ITGAM: variants seen among roughly 807,000 people sequenced by gnomAD.
ITGAM encodes integrin alpha-M.
A neutral mutation model predicts 137.5 loss-of-function variants in ITGAM; 79 were observed. The ratio of observed to expected loss-of-function variants is 0.57; its 90% CI spans 0.48 to 0.69. ITGAM has a LOEUF of 0.69. Among genes scored for constraint, ITGAM ranks in the 30% least tolerant of loss-of-function variants. The pLI is 0.00. For missense variants in ITGAM, 1,343 were observed against 1,483.5 expected (o/e 0.91, Z 1.56); for synonymous variants, 583 against 592.3 (o/e 0.98, Z 0.23).
chr16:31,279,001 G>T (rs1456376728), intron 12 of ITGAM, among the ~76,000 whole-genome samples: 1 of 152,002 alleles, frequency 6.6e-6, no homozygotes, highest in East Asian at 1.9e-4. Context: ...GGTTTTCTGT[G>T]CTTGCAACAG....
chr16:31,272,894 C>G (rs1379928666), intron 7 of ITGAM, among the ~76,000 whole-genome samples: 1 of 152,008 alleles, frequency 6.6e-6, no homozygotes, highest in Non-Finnish European at 1.5e-5. Context: ...TTTTCCAGGT[C>G]TCGGGGCAGT....
At chr16:31,282,545 G>T (rs769605922) in intron 12 of ITGAM, among the ~76,000 whole-genome samples, 78 of 152,188 alleles carry the variant, frequency 5.1e-4, no homozygotes, top group Non-Finnish European at 9.3e-4. Context: ...TGCAACCCCT[G>T]GTTTTTTCTG....
Position 31,297,546 on chromosome 16 carries a change from C to A in ITGAM, c.1389C>A (p.Ser463=). The change falls in exon 13 of 30, where the codon TCC becomes TCA. Residue 463 remains serine, a synonymous_variant. Transcript: ENST00000544665. The stretch of plus-strand genomic sequence containing the variant: ...CCTACTTCGGGGCCTCCCTCTGCTC[C>A]GTGGACGTGGACAGCAACGGCAGCA... ...IGAYFGASLC[S]VDVDSNGSTD... The A allele has an allele frequency of 1.2e-6, 2 of 1,612,078 alleles. No individual in the cohort carries two copies. Among genetic ancestry groups the A allele is most frequent in the Non-Finnish European group, 1.7e-6 (2 of 1,179,856 alleles).
At chr16:31,269,501 C>T (rs985234416) in intron 5 of ITGAM, among the ~76,000 whole-genome samples, 34 of 152,218 alleles carry the variant, frequency 2.2e-4, no homozygotes, top group African/African-American at 6.7e-4. Context: ...GGAATGAACA[C>T]GGACAGCTTG....
At chr16:31,317,066 T>C (rs2080400444) in intron 14 of ITGAM, among the ~76,000 whole-genome samples, 1 of 152,182 alleles carries the variant, frequency 6.6e-6, no homozygotes, top group Admixed American at 6.5e-5. Context: ...TTTTTCTTTA[T>C]TTCTAACTTG....
intron 11 of ITGAM, 56 bp downstream of exon 11, chr16:31,277,105 A>C: frequency 6.7e-7 from 1 of 1,495,478 alleles, no homozygotes; most frequent in Non-Finnish European, 9.1e-7. Context: ...GGCATAAGTC[A>C]ACTAGCATAG....
chr16:31,265,294 G>A lies in ITGAM; in HGVS notation c.135-101G>A, dbSNP rs865981813. ...CCTAGTCATAGGAATTTAGGAATCC[G>A]GGTATGGGCCCCCACCGTCCTCTGG... On this transcript the variant is annotated intron_variant, in intron 2 of 29. Transcript: ENST00000544665. 1.3e-5 allele frequency: 7 copies of A among 519,236 alleles called. No individual in the cohort carries two copies. The Middle Eastern group carries it at 1.4e-3, about 105-fold the overall frequency. 32.2% of individuals were successfully genotyped at this position (519,236 alleles called of 1,614,324 possible).
At chr16:31,309,306 T>C (rs1428077017) in intron 14 of ITGAM, among the ~76,000 whole-genome samples, 1 of 68,348 alleles carries the variant, frequency 1.5e-5, no homozygotes, top group Non-Finnish European at 2.8e-5. Flanking sequence ...TGTAGGTCAC[T>C]AAGGACTTGC....
At chr16:31,301,738 C>T (rs2080199399) in intron 14 of ITGAM, among the ~76,000 whole-genome samples, 2 of 152,098 alleles carry the variant, frequency 1.3e-5, no homozygotes. Flanking sequence ...TATATCACTC[C>T]TAAATTTCCC....
chr16:31,270,460 C>T (rs567201741), intron 5 of ITGAM, among the ~76,000 whole-genome samples: 8 of 151,380 alleles, frequency 5.3e-5, no homozygotes, highest in East Asian at 2.0e-4. Context: ...TCCCTGATTC[C>T]CTTGGGCAGA....
intron 14 of ITGAM, among the ~76,000 whole-genome samples, chr16:31,305,527 C>T (rs2080256111): frequency 6.6e-6 from 1 of 152,102 alleles, no homozygotes; most frequent in Non-Finnish European, 1.5e-5. Flanking sequence ...GCATTCTTGT[C>T]TTGTTCCAGT....
At chr16:31,331,014 G>A in intron 28 of ITGAM, 151 bp from the exon 29 acceptor site, 1 of 603,462 alleles carries the variant, frequency 1.7e-6, no homozygotes, top group Non-Finnish European at 3.0e-6. Flanking sequence ...GGGAGAGGAG[G>A]GAGAAGAGGT....
chr16:31,275,807 A>G, intron 9 of ITGAM, 108 bp downstream of exon 9: 1 of 1,061,382 alleles, frequency 9.4e-7, no homozygotes, highest in Non-Finnish European at 1.4e-6. Context: ...ATCCCCCAGC[A>G]TCAACTCTCT....
Position 31,324,403 on chromosome 16 carries a change from G to C in ITGAM, c.2007G>C (p.Gln669His), listed in dbSNP as rs891773648. ...TGTGCCACCCTGTCCCTTCAGGACA[G>C]ATCCAGAGTGTTGTGACTTATGACC... is the stretch of plus-strand genomic sequence containing the variant. Reference protein sequence around the residue: ...KSTRDRLREGQIQSVVTYDLA... With the variant: ...KSTRDRLREGHIQSVVTYDLA... Residue 669 changes from glutamine (Q) to histidine (H), a missense_variant, in exon 17 of 30, where the codon CAG becomes CAC. Physicochemically the swap from Gln to His is conservative, Grantham distance 24 (BLOSUM62 0). Transcript: ENST00000544665. This position sits in a 1 kb window ranked among gnomAD's most constrained non-coding sequence, Gnocchi z 4.5. 3 of 1,551,792 alleles carry C rather than the reference G, an allele frequency of 1.9e-6. No homozygotes were observed. In the African/African-American group the frequency reaches 4.1e-5, roughly 21 times the overall value.
intron 14 of ITGAM, among the ~76,000 whole-genome samples, chr16:31,308,107 C>T (rs975820762): frequency 1.1e-4 from 16 of 152,036 alleles, no homozygotes; most frequent in Non-Finnish European, 1.3e-4. Context: ...GTCTAAAATT[C>T]TCTTTTTTTG....
At chr16:31,314,885 T>C (rs1433266727) in intron 14 of ITGAM, among the ~76,000 whole-genome samples, 1 of 147,568 alleles carries the variant, frequency 6.8e-6, no homozygotes, top group East Asian at 2.0e-4. Context: ...TACAGTAGCG[T>C]GAACTGCAAC....
rs554430306 is a variant in ITGAM, at chr16:31,324,228, GGAAA to G, written c.2003-154_2003-151del. ...GGAAGGAAAGGGAGGAAGAGAGCGA[GGAAA>G]GAAAGAAAGAAAGAAAAAGGAAGGA... is the stretch of plus-strand genomic sequence containing the variant. On this transcript the variant is annotated intron_variant, in intron 16 of 29. Coordinates refer to ENST00000544665, the MANE Select transcript of ITGAM (RefSeq NM_000632.4). The surrounding 1 kb of genome is among the most constrained non-coding windows in gnomAD (Gnocchi z 4.5). Among the ~76,000 whole-genome samples, 35 of 150,932 alleles carry G rather than the reference GGAAA, an allele frequency of 2.3e-4. No individual in the cohort carries two copies. The highest frequency in any genetic ancestry group is 5.8e-4 in the African/African-American group (24 of 41,082).
rs1018547527 is a variant in ITGAM at position 31,324,463 on chromosome 16, C to T, written c.2067C>T (p.Ala689=). 14 of 1,569,274 alleles carry T rather than the reference C, an allele frequency of 8.9e-6. No individual in the cohort carries two copies. The highest frequency in any genetic ancestry group is 4.7e-5 in the South Asian group (4 of 85,198). The stretch of plus-strand genomic sequence containing the variant: ...ACTCCGGCCGCCCACATTCCCGCGC[C>T]GTCTTCAATGAGACAAAGAACAGCA... ...ALDSGRPHSR[A]VFNETKNSTR... Residue 689 remains alanine (A), a synonymous_variant, in exon 17 of 30, where the codon GCC becomes GCT. Transcript: ENST00000544665. The surrounding 1 kb of genome is among the most constrained non-coding windows in gnomAD (Gnocchi z 4.5).
chr16:31,262,765 C>A (rs1005582295), intron 2 of ITGAM, among the ~76,000 whole-genome samples: 1 of 151,952 alleles, frequency 6.6e-6, no homozygotes, highest in East Asian at 1.9e-4. Context: ...TGTATGGACC[C>A]TGAAGCCTAA....
Sources: gnomAD v4.1 joint callset for allele counts (sites outside exome capture counted in the v4.1 genomes callset) on GRCh38, gnomAD v4.1.1 for gene constraint, Gnocchi (gnomAD v3.1) non-coding constraint, MANE v1.5 for transcripts, NCBI Gene and HGNC (gene_info 2026-07-23, HGNC 2026-07-21) for gene names.